BTBD9: variants seen among roughly 807,000 people sequenced by gnomAD.
BTBD9 encodes BTB domain containing 9, also known as BTB/POZ domain-containing protein 9.
A neutral mutation model predicts 64.3 loss-of-function variants in BTBD9; 49 were observed. That is an observed-to-expected ratio of 0.76 (90% CI 0.61 to 0.97). The LOEUF (loss-of-function observed/expected upper bound fraction) is 0.97, where lower values mean the gene tolerates loss of function less well. Among genes scored for constraint, BTBD9 ranks in the 50% least tolerant of loss-of-function variants. The pLI is 0.00. For missense variants in BTBD9, 598 were observed against 762.1 expected (o/e 0.78, Z 2.53); for synonymous variants, 260 against 274.7 (o/e 0.95, Z 0.53).
intron 8 of BTBD9, among the ~76,000 whole-genome samples, chr6:38,263,513 G>A (rs922033351): frequency 4.6e-5 from 7 of 152,150 alleles, no homozygotes; most frequent in African/African-American, 1.7e-4. Flanking sequence ...AATCCATGCT[G>A]GGCTAATCAG....
At chr6:38,462,967 T>G (rs1260740496) in intron 6 of BTBD9, among the ~76,000 whole-genome samples, 2 of 152,086 alleles carry the variant, frequency 1.3e-5, no homozygotes, top group African/African-American at 2.4e-5. Flanking sequence ...CCTGGCTAAT[T>G]TTTGTATTTT....
At chr6:38,587,170 C>G (rs1320374203) in intron 4 of BTBD9, among the ~76,000 whole-genome samples, 1 of 152,072 alleles carries the variant, frequency 6.6e-6, no homozygotes, top group East Asian at 1.9e-4. Flanking sequence ...GGAGGGCAAC[C>G]GAGGGGTCAG....
intron 6 of BTBD9, among the ~76,000 whole-genome samples, chr6:38,414,386 A>G (rs893107688): frequency 2.0e-5 from 3 of 152,166 alleles, no homozygotes; most frequent in African/African-American, 7.2e-5. Flanking sequence ...GGCTCTCCCA[A>G]TAAATTTTAC....
intron 5 of BTBD9, among the ~76,000 whole-genome samples, chr6:38,579,899 TG>T: frequency 6.6e-6 from 1 of 152,274 alleles, no homozygotes; most frequent in Non-Finnish European, 1.5e-5. Flanking sequence ...CATGCATAAT[TG>T]AAAAAAATGC....
rs1164799577 is a variant in BTBD9 at position 38,431,601 on chromosome 6, A to G, written c.1155-86508T>C. The stretch of plus-strand genomic sequence containing the variant: ...CATTCACACCCTTGCTCAAACAAAA[A>G]AATTCTCTCCTAATCTCTATCTACT... On this transcript the variant is annotated intron_variant, in intron 6 of 10. Transcript: ENST00000481247. Among the ~76,000 whole-genome samples, 8 of 152,194 alleles carry G rather than the reference A, an allele frequency of 5.3e-5. No individual in the cohort carries two copies. The East Asian group carries it at 1.5e-3, about 29-fold the overall frequency.
chr6:38,223,754 T>C (rs1179692780), intron 9 of BTBD9, among the ~76,000 whole-genome samples: 2 of 152,266 alleles, frequency 1.3e-5, no homozygotes, highest in East Asian at 3.9e-4. Flanking sequence ...TTTTCTTCCA[T>C]TTCCTTTTTG....
intron 9 of BTBD9, among the ~76,000 whole-genome samples, chr6:38,255,122 T>G (rs1764532091): frequency 6.6e-6 from 1 of 152,176 alleles, no homozygotes; most frequent in Admixed American, 6.5e-5. Flanking sequence ...CGGATGAACC[T>G]TGAAAACACT....
At chr6:38,448,875 A>C (rs1320794942) in intron 6 of BTBD9, among the ~76,000 whole-genome samples, 1 of 152,196 alleles carries the variant, frequency 6.6e-6, no homozygotes, top group Non-Finnish European at 1.5e-5. Context: ...TTGTCCCCAG[A>C]GTTCTATTAT....
chr6:38,253,634 C>T (rs1277669301), intron 9 of BTBD9, among the ~76,000 whole-genome samples: 1 of 152,126 alleles, frequency 6.6e-6, no homozygotes, highest in South Asian at 2.1e-4. Flanking sequence ...AAGACATGTA[C>T]AAGATGACAA....
At chr6:38,294,304 C>A (rs1419713360) in intron 7 of BTBD9, among the ~76,000 whole-genome samples, 1 of 152,148 alleles carries the variant, frequency 6.6e-6, no homozygotes, top group Non-Finnish European at 1.5e-5. Context: ...TTGACCCAGC[C>A]ATCTCATTAC....
intron 6 of BTBD9, among the ~76,000 whole-genome samples, chr6:38,439,944 A>G (rs1403559187): frequency 6.6e-6 from 1 of 152,176 alleles, no homozygotes; most frequent in Non-Finnish European, 1.5e-5. Flanking sequence ...TAAGCAAAAC[A>G]TTGGAATTAC....
chr6:38,351,494 T>C (rs1467388250), intron 6 of BTBD9, among the ~76,000 whole-genome samples: 1 of 147,994 alleles, frequency 6.8e-6, no homozygotes, highest in Non-Finnish European at 1.5e-5. Flanking sequence ...AAGACAAATA[T>C]TTAATTGTTG....
intron 10 of BTBD9, among the ~76,000 whole-genome samples, chr6:38,182,824 T>C (rs1238154069): frequency 6.6e-6 from 1 of 152,212 alleles, no homozygotes; most frequent in Non-Finnish European, 1.5e-5. Flanking sequence ...CAGTTGAGGA[T>C]GGAGAATTAT....
chr6:38,618,544 G>A (rs1777872845), intron 1 of BTBD9, among the ~76,000 whole-genome samples: 1 of 152,034 alleles, frequency 6.6e-6, no homozygotes. Flanking sequence ...GAAAGGCAAA[G>A]AAACAGGCAA....
intron 9 of BTBD9, chr6:38,193,896 C>T (rs1264684118): frequency 1.0e-6 from 1 of 985,056 alleles, no homozygotes; most frequent in Non-Finnish European, 1.2e-6. Context: ...GCTGCCTGGA[C>T]ACCAGTCCCC....
chr6:38,249,758 CAA>C (rs386358932), intron 9 of BTBD9, among the ~76,000 whole-genome samples: 4 of 121,778 alleles, frequency 3.3e-5, no homozygotes, highest in African/African-American at 6.2e-5. Flanking sequence ...CATTAAGAAT[CAA>C]AAAAAAAAAA....
intron 9 of BTBD9, among the ~76,000 whole-genome samples, chr6:38,245,512 G>A (rs919362838): frequency 1.1e-4 from 16 of 152,180 alleles, no homozygotes; most frequent in Admixed American, 1.0e-3. Flanking sequence ...AACAGGGAGA[G>A]GGATGCAGAG....
At chr6:38,320,130 T>C (rs1302310978) in intron 7 of BTBD9, among the ~76,000 whole-genome samples, 1 of 152,198 alleles carries the variant, frequency 6.6e-6, no homozygotes, top group Admixed American at 6.5e-5. Flanking sequence ...TCTCTCTCCA[T>C]GCCGTGTGGC....
At chr6:38,500,606 GC>G (rs924642720) in intron 6 of BTBD9, among the ~76,000 whole-genome samples, 1 of 152,108 alleles carries the variant, frequency 6.6e-6, no homozygotes, top group African/African-American at 2.4e-5. Context: ...TTAACTCTGA[GC>G]AACATCTTAC....
Sources: gnomAD v4.1 joint callset for allele counts (sites outside exome capture counted in the v4.1 genomes callset) on GRCh38, gnomAD v4.1.1 for gene constraint, MANE v1.5 for transcripts, NCBI Gene and HGNC (gene_info 2026-07-23, HGNC 2026-07-21) for gene names.